The following SREBF2 variants were observed in gnomAD, a reference collection of about 807,000 sequenced individuals.
SREBF2 encodes sterol regulatory element-binding protein 2.
Under a neutral mutation model 113.1 loss-of-function variants are expected in SREBF2, and 55 were observed. The observed-to-expected ratio is 0.49, with a 90% CI of 0.39 to 0.61. SREBF2 has a LOEUF of 0.61. SREBF2 is among the 20% of genes least tolerant of loss of function. The pLI is 0.00. For synonymous variants in SREBF2, 593 were observed against 605.7 expected, an observed-to-expected ratio of 0.98 and a Z score of 0.31; for missense variants, 1,349 against 1,487.4, an observed-to-expected ratio of 0.91 and a Z score of 1.53.
intron 1 of SREBF2, among the ~76,000 whole-genome samples, chr22:41,857,054 A>C (rs2076983315): frequency 6.8e-6 from 1 of 146,606 alleles, no homozygotes; most frequent in African/African-American, 2.6e-5. Flanking sequence ...GCAACAGAGC[A>C]AGACTCTGTC....
At chr22:41,839,588 C>T (rs78524198) in intron 1 of SREBF2, among the ~76,000 whole-genome samples, 241 of 152,296 alleles carry the variant, frequency 1.6e-3, no homozygotes, top group African/African-American at 5.3e-3. Flanking sequence ...AAGTAGTTCT[C>T]TTTGGAGAAA....
chr22:41,851,346 T>C (rs2076928480), intron 1 of SREBF2, among the ~76,000 whole-genome samples: 2 of 152,144 alleles, frequency 1.3e-5, no homozygotes, highest in African/African-American at 4.8e-5. Flanking sequence ...TTTCCCCTTT[T>C]TAAATTTATG....
chr22:41,899,930 CTAAG>C lies in SREBF2; in HGVS notation c.2739-397_2739-394del, dbSNP rs1224421045. 1.2e-5 allele frequency: 14 copies of C among 1,141,342 alleles called. No homozygotes were observed. The East Asian group carries it at 4.4e-4, about 36-fold the overall frequency. The allele number at this position is 1,141,342 out of a possible 1,614,324, so 70.7% of individuals were successfully genotyped here. On this transcript the variant is annotated intron_variant, in intron 15 of 18. Transcript: ENST00000361204. ...AGTCTCCTCTACAGAAAGAAGCTAACTAAGTATCTCCAGAGAGTTTAATACCACA... is the reference window on the plus strand; with the variant it reads ...AGTCTCCTCTACAGAAAGAAGCTAACTATCTCCAGAGAGTTTAATACCACA...
intron 1 of SREBF2, among the ~76,000 whole-genome samples, chr22:41,858,219 A>G (rs961966231): frequency 6.6e-6 from 1 of 152,166 alleles, no homozygotes; most frequent in Non-Finnish European, 1.5e-5. Context: ...ATCACACACC[A>G]TTATTATTTC....
intron 7 of SREBF2, 94 bp from the exon 8 acceptor site, chr22:41,877,135 C>T (rs1451104284): frequency 7.7e-7 from 1 of 1,305,510 alleles, no homozygotes; most frequent in Non-Finnish European, 1.1e-6. Flanking sequence ...GAATTTAAAC[C>T]TCATAACCAT....
At chr22:41,879,218 T>G (rs912644565) in intron 9 of SREBF2, among the ~76,000 whole-genome samples, 17 of 152,124 alleles carry the variant, frequency 1.1e-4, no homozygotes, top group African/African-American at 4.1e-4. Flanking sequence ...GACCTGGAAT[T>G]AAAAGGAAAG....
chr22:41,886,081 A>G (rs1250477244), intron 11 of SREBF2: 3 of 152,242 alleles, frequency 2.0e-5, no homozygotes, highest in Non-Finnish European at 4.4e-5. Context: ...CCTTGTCCTC[A>G]GGGAGCATAG....
intron 1 of SREBF2, among the ~76,000 whole-genome samples, chr22:41,853,118 C>G (rs1280883159): frequency 6.6e-6 from 1 of 152,150 alleles, no homozygotes; most frequent in Admixed American, 6.6e-5. Context: ...CTCCTCAACC[C>G]CATGTAAACC....
At chr22:41,894,985 G>A in intron 13 of SREBF2, 48 bp downstream of exon 13, 1 of 1,495,276 alleles carries the variant, frequency 6.7e-7, no homozygotes, top group Non-Finnish European at 9.3e-7. Flanking sequence ...GTCCACGCAG[G>A]CAACTCCAGG....
Position 41,841,594 on chromosome 22 carries a change from G to T in SREBF2, c.88+8236G>T, listed in dbSNP as rs188624765. On this transcript the variant is annotated intron_variant, in intron 1 of 18. Transcript: ENST00000361204. ...CTCTCATTGAATAGGCTTTTATGTAGCTCTCATATTCAGTTCATATTTTGG... is the reference window on the plus strand; with the variant it reads ...CTCTCATTGAATAGGCTTTTATGTATCTCTCATATTCAGTTCATATTTTGG... Among the ~76,000 whole-genome samples the T allele has an allele frequency of 2.4e-3, 368 of 152,072 alleles. 2 individuals are homozygous for T. Among genetic ancestry groups the T allele is most frequent in the Non-Finnish European group, 1.9e-3 (128 of 67,994 alleles).
chr22:41,839,920 A>ATAATAAAT (rs1318559579), intron 1 of SREBF2, among the ~76,000 whole-genome samples: 1 of 145,738 alleles, frequency 6.9e-6, no homozygotes, highest in Non-Finnish European at 1.5e-5. Context: ...CCAAGAGCTT[A>ATAATAAAT]TAATAAATAG....
chr22:41,840,774 C>T (rs1159117158), intron 1 of SREBF2, among the ~76,000 whole-genome samples: 1 of 152,142 alleles, frequency 6.6e-6, no homozygotes, highest in Non-Finnish European at 1.5e-5. Context: ...TCCATGACAA[C>T]GTGCCTTGAT....
intron 1 of SREBF2, among the ~76,000 whole-genome samples, chr22:41,853,025 C>T (rs1221984556): frequency 1.3e-5 from 2 of 152,176 alleles, no homozygotes; most frequent in East Asian, 1.9e-4. Flanking sequence ...GCTGGGATTA[C>T]AGGCATGAGC....
intron 10 of SREBF2, among the ~76,000 whole-genome samples, chr22:41,882,905 A>G (rs1030662162): frequency 6.6e-6 from 1 of 152,182 alleles, no homozygotes; most frequent in African/African-American, 2.4e-5. Flanking sequence ...GGAGTTTCCC[A>G]TCAGCCTGGG....
intron 1 of SREBF2, among the ~76,000 whole-genome samples, chr22:41,841,611 A>G (rs985403341): frequency 1.3e-5 from 2 of 152,160 alleles, no homozygotes; most frequent in African/African-American, 4.8e-5. Context: ...TATTCAGTTC[A>G]TATTTTGGCA....
intron 1 of SREBF2, among the ~76,000 whole-genome samples, chr22:41,854,802 G>C (rs146809299): frequency 5.3e-5 from 8 of 151,870 alleles, no homozygotes; most frequent in Non-Finnish European, 1.0e-4. Flanking sequence ...GTGGGAGGCG[G>C]AGGTGGAGCC....
intron 11 of SREBF2, 49 bp from the exon 12 acceptor site, chr22:41,893,068 C>G: frequency 1.2e-6 from 2 of 1,606,362 alleles, no homozygotes; most frequent in Non-Finnish European, 1.7e-6. Context: ...GTGGCTGCAG[C>G]CAGCATTCTG....
intron 1 of SREBF2, among the ~76,000 whole-genome samples, chr22:41,855,055 C>CA (rs1223940004): frequency 4.0e-5 from 6 of 148,540 alleles, no homozygotes; most frequent in African/African-American, 1.5e-4. Flanking sequence ...TGTAATATAG[C>CA]AAAGTTTTTT....
intron 12 of SREBF2, 59 bp downstream of exon 12, chr22:41,893,344 C>G: frequency 1.3e-6 from 2 of 1,571,482 alleles, no homozygotes. Flanking sequence ...GCCGGTACTA[C>G]AGAGTCACTG....
Sources: allele counts gnomAD v4.1 joint callset (sites outside exome capture counted in the v4.1 genomes callset), GRCh38; gene constraint gnomAD v4.1.1; transcripts MANE v1.5; gene names NCBI Gene and HGNC (gene_info 2026-07-23, HGNC 2026-07-21).